Variants in TFAP2D observed in about 807,000 individuals in gnomAD.
TFAP2D encodes transcription factor AP-2-delta.
TFAP2D carries 9 observed loss-of-function variants against 43.6 expected under a neutral mutation model. That is an observed-to-expected ratio of 0.21 (90% CI 0.12 to 0.36). The LOEUF (loss-of-function observed/expected upper bound fraction) is 0.36. Ranked by LOEUF, TFAP2D falls within the 10% of genes least tolerant of loss-of-function variation. The pLI, the probability that TFAP2D is intolerant of heterozygous loss-of-function variation, is 1.00. For missense variants in TFAP2D, 513 were observed against 561.4 expected, an observed-to-expected ratio of 0.91 and a Z score of 0.87; for synonymous variants, 256 against 224.9, an observed-to-expected ratio of 1.14 and a Z score of -1.24.
At chr6:50,769,745 G>C (rs1052775770) in intron 7 of TFAP2D, among the ~76,000 whole-genome samples, 1 of 152,078 alleles carries the variant, frequency 6.6e-6, no homozygotes, top group Non-Finnish European at 1.5e-5. Flanking sequence ...CCTCAGCCTG[G>C]GAGGAACATA....
At chr6:50,759,392 T>G (rs1769332777) in intron 7 of TFAP2D, among the ~76,000 whole-genome samples, 1 of 152,026 alleles carries the variant, frequency 6.6e-6, no homozygotes, top group African/African-American at 2.4e-5. Context: ...CTGGGTGATC[T>G]CTAAGGTTCT....
At chr6:50,742,374 T>A (rs541896056) in intron 5 of TFAP2D, among the ~76,000 whole-genome samples, 4 of 152,198 alleles carry the variant, frequency 2.6e-5, no homozygotes, top group Non-Finnish European at 5.9e-5. Flanking sequence ...CAAACTGTTT[T>A]TAAAACTGCC....
chr6:50,714,103 A>AAT lies in TFAP2D; in HGVS notation c.39+9_39+10insAT. 1 of 1,474,204 alleles carries AAT rather than the reference A, an allele frequency of 6.8e-7. No homozygotes were observed. 91.3% of individuals were successfully genotyped at this position (1,474,204 alleles called of 1,614,324 possible). A position where few individuals can be genotyped will look rare whatever the true frequency, so the allele number is the denominator to read the frequency against. ...TAGTCCACGATGCCGAGGTATTATT[A>AAT]CTTTTTTTTTTTTTTTTTTTTGAGC... On this transcript the variant is annotated intron_variant, in intron 1 of 7. Transcript: ENST00000008391.
intron 2 of TFAP2D, chr6:50,717,979 G>C (rs912678456): frequency 6.6e-6 from 1 of 152,146 alleles, no homozygotes; most frequent in East Asian, 1.9e-4. Context: ...TTTGGAGGGC[G>C]GTCTAAGTCT....
intron 7 of TFAP2D, among the ~76,000 whole-genome samples, chr6:50,764,528 T>C (rs1308642011): frequency 6.6e-6 from 1 of 152,128 alleles, no homozygotes; most frequent in African/African-American, 2.4e-5. Flanking sequence ...ATCCATGCAA[T>C]GAAACTACAT....
intron 5 of TFAP2D, among the ~76,000 whole-genome samples, chr6:50,735,914 C>T (rs1183615089): frequency 6.6e-6 from 1 of 152,110 alleles, no homozygotes; most frequent in Non-Finnish European, 1.5e-5. Flanking sequence ...AATCATTTTG[C>T]CAATTATTAG....
At chr6:50,722,203 G>A (rs555076222) in intron 3 of TFAP2D, among the ~76,000 whole-genome samples, 3 of 152,274 alleles carry the variant, frequency 2.0e-5, no homozygotes, top group Non-Finnish European at 2.9e-5. Context: ...GCTGACTCTC[G>A]GTTAATGGTG....
At chr6:50,749,413 T>C (rs2113885147) in intron 6 of TFAP2D, among the ~76,000 whole-genome samples, 1 of 151,986 alleles carries the variant, frequency 6.6e-6, no homozygotes, top group East Asian at 1.9e-4. Context: ...TTTAATGTTT[T>C]AAAATTTATT....
At chr6:50,753,375 A>G (rs1477479149) in intron 7 of TFAP2D, among the ~76,000 whole-genome samples, 1 of 151,908 alleles carries the variant, frequency 6.6e-6, no homozygotes, top group East Asian at 1.9e-4. Context: ...TAGGCAAAAC[A>G]TTTGTTTCCT....
chr6:50,718,585 C>G (rs987418412), intron 2 of TFAP2D, among the ~76,000 whole-genome samples: 1 of 152,124 alleles, frequency 6.6e-6, no homozygotes, highest in African/African-American at 2.4e-5. Context: ...CTTCATACGG[C>G]CCATTTTGGG....
intron 1 of TFAP2D, 37 bp downstream of exon 1, chr6:50,714,131 G>A (rs1272916018): frequency 1.3e-6 from 2 of 1,549,268 alleles, no homozygotes; most frequent in Non-Finnish European, 8.7e-7. Flanking sequence ...TTTTGAGCGC[G>A]CGTGTGTGTG....
chr6:50,715,531 C>T lies in TFAP2D; in HGVS notation c.455C>T (p.Ser152Phe). ...GACCTGTCCCTCATGAGCCATGGCT[C>T]TCAGTATGGAATGCACCCAGATCAA... ...RHDLSLMSHG[S>F]QYGMHPDQRL... is the part of the protein sequence containing the mutation. Residue 152 changes from serine to phenylalanine, a missense_variant, in exon 2 of 8, where the codon TCT (serine) becomes TTT (phenylalanine). Coordinates refer to ENST00000008391, the MANE Select transcript of TFAP2D (RefSeq NM_172238.4). 6.2e-7 allele frequency: 1 copy of T among 1,612,440 alleles called. No individual in the cohort carries two copies. Among genetic ancestry groups the T allele is most frequent in the Non-Finnish European group, 8.5e-7 (1 of 1,180,014 alleles).
chr6:50,737,898 G>T (rs1768985500), intron 5 of TFAP2D, among the ~76,000 whole-genome samples: 1 of 152,136 alleles, frequency 6.6e-6, no homozygotes, highest in Non-Finnish European at 1.5e-5. Context: ...TAGTTCCACA[G>T]ATATGCAAGT....
rs775627704 is a variant in TFAP2D, at chr6:50,714,007, C to CT, written c.-42dup. ...AAGTTTGGATTTTTTTTTCCCGATTCTTTTTTTGGAGGGGGAAATTGCATC... is the reference window on the plus strand; with the variant it reads ...AAGTTTGGATTTTTTTTTCCCGATTCTTTTTTTTGGAGGGGGAAATTGCATC... On this transcript the variant is annotated 5_prime_UTR_variant, in exon 1 of 8. Transcript: ENST00000008391. The CT allele has an allele frequency of 1.6e-5, 26 of 1,592,262 alleles. No individual in the cohort carries two copies. The highest frequency in any genetic ancestry group is 2.3e-5 in the South Asian group (2 of 88,344).
At chr6:50,742,996 T>A (rs957881173) in intron 5 of TFAP2D, among the ~76,000 whole-genome samples, 2 of 78,850 alleles carry the variant, frequency 2.5e-5, no homozygotes, top group Admixed American at 1.1e-4. Flanking sequence ...CACACACACA[T>A]CTTTGTGCCA....
At chr6:50,748,360 C>A (rs1769154101) in intron 6 of TFAP2D, among the ~76,000 whole-genome samples, 1 of 151,890 alleles carries the variant, frequency 6.6e-6, no homozygotes, top group Non-Finnish European at 1.5e-5. Context: ...GGTCAGTTCA[C>A]CTTTATTCAT....
chr6:50,729,954 T>C (rs952252812), intron 5 of TFAP2D, among the ~76,000 whole-genome samples: 1 of 152,214 alleles, frequency 6.6e-6, no homozygotes, highest in Non-Finnish European at 1.5e-5. Context: ...GTCTAAACTT[T>C]ACATATTCTT....
chr6:50,751,508 A>G (rs1030245044), intron 7 of TFAP2D, among the ~76,000 whole-genome samples, 184 bp downstream of exon 7: 1 of 151,950 alleles, frequency 6.6e-6, no homozygotes, highest in African/African-American at 2.4e-5. Flanking sequence ...TATTTTTTAC[A>G]GTTTGGAGGC....
intron 6 of TFAP2D, 86 bp downstream of exon 6, chr6:50,745,334 G>T: frequency 6.4e-7 from 1 of 1,561,004 alleles, no homozygotes; most frequent in Non-Finnish European, 8.7e-7. Flanking sequence ...CAGTCTAGAA[G>T]GCACCCGTTC....
Sources: allele counts gnomAD v4.1 joint callset (sites outside exome capture counted in the v4.1 genomes callset), GRCh38; gene constraint gnomAD v4.1.1; transcripts MANE v1.5; gene names NCBI Gene and HGNC (gene_info 2026-07-23, HGNC 2026-07-21).